Variants in CFH observed in about 807,000 individuals in gnomAD.
The protein encoded by CFH is H factor 1 (complement).
Under a neutral mutation model 147.3 loss-of-function variants are expected in CFH, and 53 were observed. The ratio of observed to expected loss-of-function variants is 0.36; its 90% CI spans 0.29 to 0.45. The LOEUF is 0.45. CFH is among the 20% of genes least tolerant of loss of function. The pLI is 1.00. For missense variants in CFH, 1,380 were observed against 1,498.0 expected (o/e 0.92, Z 1.30); for synonymous variants, 536 against 489.4 (o/e 1.10, Z -1.26).
At chr1:196,678,897 T>A (rs1486555617) in intron 5 of CFH, 1 of 152,118 alleles carries the variant, frequency 6.6e-6, no homozygotes, top group Non-Finnish European at 1.5e-5. Flanking sequence ...CAATACATAG[T>A]GCTGAGGTGC....
chr1:196,660,419 G>T (rs886457092), intron 1 of CFH, among the ~76,000 whole-genome samples: 3 of 152,126 alleles, frequency 2.0e-5, no homozygotes, highest in African/African-American at 7.2e-5. Context: ...AGTCATAGAA[G>T]AATTTTAATC....
chr1:196,717,681 G>A (rs1327918159), intron 11 of CFH, among the ~76,000 whole-genome samples: 3 of 151,992 alleles, frequency 2.0e-5, no homozygotes, highest in Non-Finnish European at 4.4e-5. Flanking sequence ...GTGCACTGAA[G>A]GGATAATTAA....
At chr1:196,691,829 G>C (rs1471460771) in intron 9 of CFH, among the ~76,000 whole-genome samples, 1 of 151,822 alleles carries the variant, frequency 6.6e-6, no homozygotes, top group East Asian at 1.9e-4. Context: ...CAAAAACATA[G>C]AGCCACTATA....
chr1:196,658,429 T>TTTTTTTTTTTTTTTTTTG, intron 1 of CFH, among the ~76,000 whole-genome samples: 1 of 144,726 alleles, frequency 6.9e-6, no homozygotes, highest in Admixed American at 7.0e-5. Flanking sequence ...TTTTTTTTTT[T>TTTTTTTTTTTTTTTTTTG]GAGATGGAGT....
intron 9 of CFH, chr1:196,701,410 TG>T: frequency 6.2e-7 from 1 of 1,609,016 alleles, no homozygotes; most frequent in Non-Finnish European, 8.5e-7. Flanking sequence ...GTTTGAGTCT[TG>T]CCAGGTCAAT....
At chr1:196,717,992 T>C (rs1668912275) in intron 11 of CFH, among the ~76,000 whole-genome samples, 1 of 152,022 alleles carries the variant, frequency 6.6e-6, no homozygotes, top group Admixed American at 6.6e-5. Context: ...TTGAATAGTG[T>C]GTGGGCGAAG....
At position 196,747,466 on chromosome 1, in the gene CFH, C is replaced by T. The variant is rs1173904320; in HGVS notation, c.*153C>T. 2 of 895,612 alleles carry T rather than the reference C, an allele frequency of 2.2e-6. No homozygotes were observed. Among genetic ancestry groups the T allele is most frequent in the Non-Finnish European group, 1.8e-6 (1 of 568,450 alleles). 55.5% of individuals were successfully genotyped at this position (895,612 alleles called of 1,614,324 possible). A position where few individuals can be genotyped will look rare whatever the true frequency, so the allele number is the denominator to read the frequency against. ...TAATTATAAGCTGAGACCGGTGGCT[C>T]TCTTCTTAAAAGCACCATATTAAAT... On this transcript the variant is annotated 3_prime_UTR_variant, in exon 22 of 22. Transcript: ENST00000367429.
chr1:196,713,456 A>T (rs900093518), intron 9 of CFH, among the ~76,000 whole-genome samples: 4 of 152,200 alleles, frequency 2.6e-5, no homozygotes, highest in African/African-American at 9.6e-5. Flanking sequence ...ATGCTGTAGA[A>T]TTCCAAATCC....
At chr1:196,732,207 TG>T (rs1192384835) in intron 15 of CFH, among the ~76,000 whole-genome samples, 3 of 152,060 alleles carry the variant, frequency 2.0e-5, no homozygotes, top group Admixed American at 2.0e-4. Context: ...TTCTCAGATT[TG>T]GTGATTTTCA....
chr1:196,728,686 G>C (rs969654454), intron 15 of CFH, among the ~76,000 whole-genome samples, 164 bp downstream of exon 15: 1 of 151,554 alleles, frequency 6.6e-6, no homozygotes, highest in African/African-American at 2.4e-5. Flanking sequence ...TATTAACTGT[G>C]CCCTGTGAAT....
intron 9 of CFH, among the ~76,000 whole-genome samples, chr1:196,712,130 C>A (rs1236807183): frequency 2.6e-5 from 4 of 152,074 alleles, no homozygotes; most frequent in Admixed American, 6.6e-5. Flanking sequence ...GTCACTTTTT[C>A]TCTGGAATTA....
intron 15 of CFH, among the ~76,000 whole-genome samples, chr1:196,735,897 C>A (rs1239588107): frequency 1.3e-5 from 2 of 151,920 alleles, no homozygotes; most frequent in Non-Finnish European, 1.5e-5. Flanking sequence ...GAATTGATAA[C>A]AAAATGTCAG....
chr1:196,738,612 C>A (rs1322133399), intron 17 of CFH, among the ~76,000 whole-genome samples: 1 of 152,236 alleles, frequency 6.6e-6, no homozygotes, highest in Non-Finnish European at 1.5e-5. Context: ...CCATGTCTCA[C>A]ATTCAGGTCA....
intron 1 of CFH, among the ~76,000 whole-genome samples, chr1:196,654,952 T>G (rs6673106): frequency 0.04 from 6,121 of 152,208 alleles, 424 homozygotes; most frequent in African/African-American, 0.14. Context: ...AGTATGTGTA[T>G]TTATCTATAT....
Position 196,747,122 on chromosome 1 carries a change from ATATCCCGAGAAAT to A in CFH, c.3509_3521del (p.Ser1170TrpfsTer6), listed in dbSNP as rs1653039850. 6.2e-7 allele frequency: 1 copy of A among 1,613,712 alleles called. No homozygotes were observed. Among genetic ancestry groups the A allele is most frequent in the Non-Finnish European group, 8.5e-7 (1 of 1,179,828 alleles). ...TTTTTTATTTTCAGATCCGTGTGTA[ATATCCCGAGAAAT>A]TATGGAAAATTATAACATAGCATTA... is the stretch of plus-strand genomic sequence containing the variant. On this transcript the variant is annotated frameshift_variant, in exon 22 of 22. Transcript: ENST00000367429. LOFTEE classifies it low-confidence loss of function (END_TRUNC).
intron 9 of CFH, among the ~76,000 whole-genome samples, chr1:196,710,010 C>G (rs1668686551): frequency 7.0e-6 from 1 of 143,792 alleles, no homozygotes; most frequent in African/African-American, 2.6e-5. Flanking sequence ...TCATCTTGCT[C>G]AAAAACAAAA....
rs1653054175 is a variant in CFH at position 196,747,388 on chromosome 1, T to C, written c.*75T>C. On this transcript the variant is annotated 3_prime_UTR_variant, in exon 22 of 22. Transcript: ENST00000367429. Reference sequence around the variant, plus strand: ...GTTCTCAATTTCATTTTTTATGTATTGTTTTACTCCTTTTTATTCATACGT... The same window carrying C: ...GTTCTCAATTTCATTTTTTATGTATCGTTTTACTCCTTTTTATTCATACGT... 2 of 1,580,856 alleles carry C rather than the reference T, an allele frequency of 1.3e-6. No homozygotes were observed. The highest frequency in any genetic ancestry group is 1.7e-6 in the Non-Finnish European group (2 of 1,153,506).
At chr1:196,669,153 C>G (rs1376486149) in intron 1 of CFH, among the ~76,000 whole-genome samples, 1 of 151,326 alleles carries the variant, frequency 6.6e-6, no homozygotes, top group Non-Finnish European at 1.5e-5. Context: ...TTTGCCCCTT[C>G]CCTAGAGATC....
chr1:196,675,868 A>G, intron 3 of CFH, 121 bp from the exon 4 acceptor site: 1 of 602,088 alleles, frequency 1.7e-6, no homozygotes, highest in Non-Finnish European at 3.0e-6. Context: ...AAGAAACAAG[A>G]AAATGCATAT....
Sources: allele counts gnomAD v4.1 joint callset (sites outside exome capture counted in the v4.1 genomes callset), GRCh38; gene constraint gnomAD v4.1.1; transcripts MANE v1.5; gene names NCBI Gene and HGNC (gene_info 2026-07-23, HGNC 2026-07-21).